The following MCM3AP variants were observed in gnomAD, a reference collection of about 807,000 sequenced individuals.
The protein encoded by MCM3AP is minichromosome maintenance complex component 3 associated protein, also known as germinal-center associated nuclear protein.
A neutral mutation model predicts 184.1 loss-of-function variants in MCM3AP; 126 were observed. That is an observed-to-expected ratio of 0.68 (90% CI 0.59 to 0.79). The LOEUF (loss-of-function observed/expected upper bound fraction) is 0.79, where lower values mean the gene tolerates loss of function less well. Among genes scored for constraint, MCM3AP ranks in the 30% least tolerant of loss-of-function variants. MCM3AP has a pLI of 0.00. For synonymous variants in MCM3AP, 1,002 were observed against 979.3 expected, an observed-to-expected ratio of 1.02 and a Z score of -0.43; for missense variants, 2,496 against 2,479.2, an observed-to-expected ratio of 1.01 and a Z score of -0.14.
intron 17 of MCM3AP, chr21:46,256,484 A>G: frequency 2.5e-6 from 1 of 397,518 alleles, no homozygotes; most frequent in South Asian, 3.4e-5. Context: ...AGTGGCAGGT[A>G]CTTAAACTGG....
chr21:46,243,675 T>G lies in MCM3AP; in HGVS notation c.5086A>C (p.Ile1696Leu). ...GGCTGTGTCTGGCGTGAGCTGGGGA[T>G]CTGGGAGGCGTACTGGACAACCATG... ...CSMVVQYASQ[I>L]PSSRQTQPVL... Residue 1696 changes from isoleucine (I) to leucine (L), a missense_variant, in exon 24 of 28, where the codon ATC becomes CTC. Transcript: ENST00000291688. 6.2e-7 allele frequency: 1 copy of G among 1,614,146 alleles called. No individual in the cohort carries two copies. Among genetic ancestry groups the G allele is most frequent in the Non-Finnish European group, 8.5e-7 (1 of 1,180,034 alleles).
In MCM3AP at chr21:46,245,088, C is replaced by T; in HGVS notation, c.4757G>A (p.Gly1586Asp). ...VEDGIGHEFS[G>D]RFFHDRRERR... ...CTCTCTTCTGTCATGGAAAAAGCGG[C>T]CACTAAACTCATGGCCAATCCCGTC... The change falls in exon 23 of 28, where the codon GGC (glycine) becomes GAC (aspartate). Residue 1586 changes from glycine (G) to aspartate (D), a missense_variant. Coordinates refer to ENST00000291688, the MANE Select transcript of MCM3AP (RefSeq NM_003906.5). 1 of 1,614,228 alleles carries T rather than the reference C, an allele frequency of 6.2e-7. No homozygotes were observed. Among genetic ancestry groups the T allele is most frequent in the South Asian group, 1.1e-5 (1 of 91,078 alleles).
chr21:46,283,558 T>C, intron 2 of MCM3AP, 57 bp downstream of exon 2: 1 of 1,251,570 alleles, frequency 8.0e-7, no homozygotes, highest in Non-Finnish European at 1.1e-6. Context: ...AAAAAACAGG[T>C]TTTAAAGTGA....
At chr21:46,281,920 C>G (rs1432534595) in intron 2 of MCM3AP, among the ~76,000 whole-genome samples, 1 of 151,976 alleles carries the variant, frequency 6.6e-6, no homozygotes, top group African/African-American at 2.4e-5. Context: ...ATCGCTTGAA[C>G]TGGAAAGGTA....
rs755020131 is a variant in MCM3AP at position 46,284,390 on chromosome 21, G to C, written c.897C>G (p.Arg299=). The change falls in exon 1 of 28, where the codon CGC becomes CGG. Residue 299 remains arginine (R), a synonymous_variant. Coordinates refer to ENST00000291688, the MANE Select transcript of MCM3AP (RefSeq NM_003906.5). ...KGLKRKEDQD[R]SPRRHGHEPA... is the part of the protein sequence containing the mutation. ...GCTCGTGGCCATGTCTCCTTGGGGAGCGATCCTGGTCCTCCTTCCTTTTCA... is the reference window on the plus strand; with the variant it reads ...GCTCGTGGCCATGTCTCCTTGGGGACCGATCCTGGTCCTCCTTCCTTTTCA... 1 of 1,614,196 alleles carries C rather than the reference G, an allele frequency of 6.2e-7. No individual in the cohort carries two copies. Among genetic ancestry groups the C allele is most frequent in the African/African-American group, 1.3e-5 (1 of 75,042 alleles).
intron 20 of MCM3AP, among the ~76,000 whole-genome samples, chr21:46,249,408 G>A (rs1354562399): frequency 4.6e-5 from 7 of 152,008 alleles, no homozygotes; most frequent in Admixed American, 1.3e-4. Context: ...GGCTGGTCTC[G>A]AACTCCTGCA....
chr21:46,236,962 T>C lies in MCM3AP; in HGVS notation c.5651A>G (p.Gln1884Arg), dbSNP rs781455438. ...TCCTGAGTCTTCAGACAACCATTGC[T>C]GAAGCTGATCTTCAAACCTGAAACA... ...EENKRFEDQL[Q>R]QWLSEDSGAF... The change falls in exon 27 of 28, where the codon CAG (glutamine) becomes CGG (arginine). Residue 1884 changes from glutamine to arginine, a missense_variant. Transcript: ENST00000291688. The C allele has an allele frequency of 2.6e-6, 4 of 1,539,316 alleles. No individual in the cohort carries two copies. In the East Asian group the frequency reaches 9.8e-5, roughly 38 times the overall value.
intron 15 of MCM3AP, among the ~76,000 whole-genome samples, chr21:46,260,245 T>A (rs2081024911): frequency 6.6e-6 from 1 of 152,202 alleles, no homozygotes; most frequent in African/African-American, 2.4e-5. Flanking sequence ...TCGTAACAGT[T>A]AAGAAATAAA....
intron 10 of MCM3AP, chr21:46,266,522 G>A (rs759377798): frequency 5.5e-5 from 13 of 237,254 alleles, no homozygotes; most frequent in Non-Finnish European, 9.7e-5. Context: ...AGAGGAGACA[G>A]GGTGGGGAAC....
chr21:46,277,692 G>T lies in MCM3AP; in HGVS notation c.1693C>A (p.Leu565Ile), dbSNP rs200631661. ...TCTCCCTCGAATTGGTGGGCCTTTA[G>T]AAGACTTGGCTTCTTCACTGGAGAG... ...KSSPVKKPSL[L>I]KAHQFEGDSF... Residue 565 changes from leucine (L) to isoleucine (I), a missense_variant, in exon 5 of 28, where the codon CTA becomes ATA. By Grantham distance (5) the Leu-to-Ile change is conservative. Coordinates refer to ENST00000291688, the MANE Select transcript of MCM3AP (RefSeq NM_003906.5). 257 of 1,596,504 alleles carry T rather than the reference G, an allele frequency of 1.6e-4. No individual in the cohort carries two copies. The highest frequency in any genetic ancestry group is 1.7e-4 in the Non-Finnish European group (201 of 1,171,768).
Position 46,246,354 on chromosome 21 carries a change from C to T in MCM3AP, c.4600G>A (p.Val1534Ile). Residue 1534 changes from valine (V) to isoleucine (I), a missense_variant, in exon 22 of 28, where the codon GTT (valine) becomes ATT (isoleucine). Transcript: ENST00000291688. ...VSAKLISDYT[V>I]TEIPDTINDL... ...TTAATGGTATCAGGGATCTCGGTAA[C>T]AGTGTAATCTGAAATCAGCTTAGCT... is the stretch of plus-strand genomic sequence containing the variant. 1 of 1,613,196 alleles carries T rather than the reference C, an allele frequency of 6.2e-7. No individual in the cohort carries two copies.
chr21:46,235,431 T>C lies in MCM3AP; in HGVS notation c.5785-5A>G. 1 of 1,613,772 alleles carries C rather than the reference T, an allele frequency of 6.2e-7. No individual in the cohort carries two copies. The highest frequency in any genetic ancestry group is 8.5e-7 in the Non-Finnish European group (1 of 1,179,840). ...TTGCTCCCTCATCATGTCACTCTAT[T>C]TGAATAAAAAAGAAACTGAACAGTT... On this transcript the variant is annotated splice_region_variant and splice_polypyrimidine_tract_variant and intron_variant, in intron 27 of 27. Transcript: ENST00000291688.
chr21:46,265,575 C>T (rs2145677733), intron 11 of MCM3AP, 52 bp from the exon 12 acceptor site: 2 of 1,423,764 alleles, frequency 1.4e-6, no homozygotes, highest in South Asian at 2.8e-5. Flanking sequence ...GGGTGCCTGG[C>T]ACCACGGGGA....
chr21:46,270,382 G>A lies in MCM3AP; in HGVS notation c.2628+19C>T. On this transcript the variant is annotated intron_variant, in intron 9 of 27. Transcript: ENST00000291688. Reference sequence around the variant, plus strand: ...CACCTGCTTTCTTCCAACTCTGCAAGCACAGCTCATTTACTCACCTGACTG... The same window carrying A: ...CACCTGCTTTCTTCCAACTCTGCAAACACAGCTCATTTACTCACCTGACTG... 1.3e-6 allele frequency: 2 copies of A among 1,599,828 alleles called. No homozygotes were observed. Among genetic ancestry groups the A allele is most frequent in the Non-Finnish European group, 8.5e-7 (1 of 1,173,812 alleles).
intron 11 of MCM3AP, 64 bp from the exon 12 acceptor site, chr21:46,265,587 C>G: frequency 1.5e-6 from 2 of 1,375,046 alleles, no homozygotes; most frequent in Non-Finnish European, 2.0e-6. Context: ...CCACGGGGAC[C>G]GAGGTCTGTG....
chr21:46,237,378 C>T (rs367621816), intron 26 of MCM3AP, among the ~76,000 whole-genome samples: 12 of 151,444 alleles, frequency 7.9e-5, no homozygotes, highest in East Asian at 5.8e-4. Flanking sequence ...GCTGGGATTA[C>T]AGGAGTGAGC....
In MCM3AP at chr21:46,254,495, A is replaced by G. The variant is rs2080918241; in HGVS notation, c.4033T>C (p.Ser1345Pro). The part of the protein sequence containing the change: ...DVAWASLDLP[S>P]LVAEHLPGRQ... ...CCAGGGAGGTGCTCAGCCACGAGGG[A>G]TGGCAGGTCCAGAGACGCCCATGCC... Residue 1345 changes from serine (S) to proline (P), a missense_variant, in exon 19 of 28, where the codon TCC (serine) becomes CCC (proline). Ser to Pro is a moderately conservative substitution (Grantham distance 74, BLOSUM62 -1). This residue lies in a region of MCM3AP where 1,323 missense variants were observed against 1,273.4 expected (regional missense o/e 1.04). Transcript: ENST00000291688. 5 of 1,614,150 alleles carry G rather than the reference A, an allele frequency of 3.1e-6. No individual in the cohort carries two copies. The highest frequency in any genetic ancestry group is 4.2e-6 in the Non-Finnish European group (5 of 1,180,038).
intron 19 of MCM3AP, chr21:46,254,057 C>T (rs909847209): frequency 3.0e-6 from 1 of 328,226 alleles, no homozygotes; most frequent in Admixed American, 4.4e-5. Context: ...TAGCCTTCCA[C>T]CATGATTGTG....
chr21:46,262,827 C>CGT (rs2081057118), intron 13 of MCM3AP, among the ~76,000 whole-genome samples: 1 of 149,680 alleles, frequency 6.7e-6, no homozygotes, highest in Non-Finnish European at 1.5e-5. Context: ...ATTAGCCGGG[C>CGT]GAGGTAGCGG....
Sources: gnomAD v4.1 joint callset for allele counts (sites outside exome capture counted in the v4.1 genomes callset) on GRCh38, gnomAD v4.1.1 for gene constraint, gnomAD v4.1.1 regional missense constraint, MANE v1.5 for transcripts, NCBI Gene and HGNC (gene_info 2026-07-23, HGNC 2026-07-21) for gene names.